Variants in GPS2 observed in about 807,000 individuals in gnomAD.
The protein encoded by GPS2 is G protein pathway suppressor 2.
GPS2 carries 22 observed loss-of-function variants against 48.1 expected under a neutral mutation model. The ratio of observed to expected loss-of-function variants is 0.46; its 90% CI spans 0.33 to 0.65. The LOEUF (loss-of-function observed/expected upper bound fraction) is 0.65. GPS2 is among the 30% of genes least tolerant of loss of function. The pLI, the probability that GPS2 is intolerant of heterozygous loss-of-function variation, is 0.03. For missense variants in GPS2, 366 were observed against 406.8 expected, an observed-to-expected ratio of 0.90 and a Z score of 0.86; for synonymous variants, 202 against 142.5, an observed-to-expected ratio of 1.42 and a Z score of -2.98.
intron 6 of GPS2, 21 bp from the exon 7 acceptor site, chr17:7,313,742 C>T: frequency 6.2e-7 from 1 of 1,612,052 alleles, no homozygotes; most frequent in Non-Finnish European, 8.5e-7. Context: ...AGAATGAGAA[C>T]TCGCCTACAA....
rs1311486142 is a variant in GPS2, at chr17:7,314,611, C to A, written c.95-14G>T. On this transcript the variant is annotated splice_polypyrimidine_tract_variant and intron_variant, in intron 2 of 10. Transcript: ENST00000380728. ...CCTCTTCTTCCTCTGGAGAATCAGGCAGAATGAAGAAGAGGCAGGGTAGTG... is the reference window on the plus strand; with the variant it reads ...CCTCTTCTTCCTCTGGAGAATCAGGAAGAATGAAGAAGAGGCAGGGTAGTG... 1.2e-6 allele frequency: 2 copies of A among 1,613,852 alleles called. No homozygotes were observed. The highest frequency in any genetic ancestry group is 1.7e-5 in the Admixed American group (1 of 60,000).
chr17:7,314,689 C>A, intron 2 of GPS2, 92 bp from the exon 3 acceptor site: 1 of 1,598,244 alleles, frequency 6.3e-7, no homozygotes, highest in Non-Finnish European at 8.5e-7. Context: ...GTCATCCCAA[C>A]ACGCCTGTAT....
Position 7,314,385 on chromosome 17 carries a change from TCTC to T in GPS2, c.220_222del (p.Glu74del), listed in dbSNP as rs757139280. 5.6e-6 allele frequency: 9 copies of T among 1,613,984 alleles called. No homozygotes were observed. The highest frequency in any genetic ancestry group is 1.1e-5 in the South Asian group (1 of 91,092). ...TTCTCTTCCTGTAGAGCCAAAAGCT[TCTC>T]CTCCAACTTCAGAATCTGGGATGGG... is the stretch of plus-strand genomic sequence containing the variant. On this transcript the variant is annotated inframe_deletion, in exon 4 of 11. Coordinates refer to ENST00000380728, the MANE Select transcript of GPS2 (RefSeq NM_004489.5).
intron 4 of GPS2, 62 bp downstream of exon 4, chr17:7,314,229 T>G: frequency 6.3e-7 from 1 of 1,592,362 alleles, no homozygotes; most frequent in Non-Finnish European, 8.6e-7. Context: ...ACACTGGTTC[T>G]TTTACTACCT....
Position 7,314,993 on chromosome 17 carries a change from C to A in GPS2, c.60G>T (p.Arg20=). The change falls in exon 2 of 11, where the codon CGG becomes CGT. Residue 20 remains arginine (R), a synonymous_variant. Transcript: ENST00000380728. ...LSNAMARALH[R]HIMMERERKR... ...TGCGCTCCCGCTCCATCATAATGTGCCGGTGCAGCGCCCTGGCCATGGCGT... is the reference window on the plus strand; with the variant it reads ...TGCGCTCCCGCTCCATCATAATGTGACGGTGCAGCGCCCTGGCCATGGCGT... 6.2e-7 allele frequency: 1 copy of A among 1,601,818 alleles called. No individual in the cohort carries two copies. The highest frequency in any genetic ancestry group is 8.5e-7 in the Non-Finnish European group (1 of 1,174,884).
In GPS2 at chr17:7,315,105, G is replaced by A; in HGVS notation, c.-53C>T. ...GGCGCCCGGCTGTCTCTGACTGCCA[G>A]ACCTCAGACGGGGCCTGCGGGGAGG... is the stretch of plus-strand genomic sequence containing the variant. On this transcript the variant is annotated 5_prime_UTR_variant, in exon 2 of 11. Transcript: ENST00000380728. 7.1e-7 allele frequency: 1 copy of A among 1,411,378 alleles called. No homozygotes were observed. Among genetic ancestry groups the A allele is most frequent in the South Asian group, 1.3e-5 (1 of 78,366 alleles). 87.4% of individuals were successfully genotyped at this position (1,411,378 alleles called of 1,614,324 possible). A position where few individuals can be genotyped will look rare whatever the true frequency, so the allele number is the denominator to read the frequency against.
At position 7,313,061 on chromosome 17, in the gene GPS2, G is replaced by C. The variant is rs1304900652; in HGVS notation, c.868C>G (p.Gln290Glu). 2 of 1,557,900 alleles carry C rather than the reference G, an allele frequency of 1.3e-6. No individual in the cohort carries two copies. Among genetic ancestry groups the C allele is most frequent in the South Asian group, 1.2e-5 (1 of 81,888 alleles). ...HPAPGLLASP[Q>E]LPVQMQPAGK... ...GCTGGCTGCATCTGCACAGGGAGCT[G>C]GGGGGAAGCAAGGAGTCCAGGGGCT... Residue 290 changes from glutamine to glutamate, a missense_variant, in exon 10 of 11, where the codon CAG becomes GAG. Physicochemically the swap from Gln to Glu is conservative, Grantham distance 29. Coordinates refer to ENST00000380728, the MANE Select transcript of GPS2 (RefSeq NM_004489.5).
chr17:7,313,525 T>C (rs754444805), intron 7 of GPS2, 43 bp downstream of exon 7: 16 of 1,613,316 alleles, frequency 9.9e-6, no homozygotes, highest in Non-Finnish European at 1.3e-5. Flanking sequence ...CATTCCTCCT[T>C]TGACCTTGAG....
Position 7,313,127 on chromosome 17 carries a change from G to A in GPS2, c.805-3C>T. Reference sequence around the variant, plus strand: ...GGGTGCATGGGGCGCAGAGAGGACTGCAGAGAACAGAGTCAGGGCCTGAGG... The same window carrying A: ...GGGTGCATGGGGCGCAGAGAGGACTACAGAGAACAGAGTCAGGGCCTGAGG... On this transcript the variant is annotated splice_polypyrimidine_tract_variant and splice_region_variant and intron_variant, in intron 9 of 10. Transcript: ENST00000380728. 6.2e-7 allele frequency: 1 copy of A among 1,605,312 alleles called. No homozygotes were observed. The highest frequency in any genetic ancestry group is 8.5e-7 in the Non-Finnish European group (1 of 1,173,504).
rs2072881614 is a variant in GPS2, at chr17:7,312,954, C to G, written c.900+75G>C. On this transcript the variant is annotated intron_variant, in intron 10 of 10. Coordinates refer to ENST00000380728, the MANE Select transcript of GPS2 (RefSeq NM_004489.5). ...GGAAAAACCAGATGATGTGGGCCAC[C>G]TGTCCTACCTAATCCTGCTTTTCCG... The G allele has an allele frequency of 2.1e-6, 3 of 1,455,272 alleles. No individual in the cohort carries two copies. In the African/African-American group the frequency reaches 4.2e-5, roughly 20 times the overall value. The allele number at this position is 1,455,272 out of a possible 1,614,324, so 90.1% of individuals were successfully genotyped here. A position where few individuals can be genotyped will look rare whatever the true frequency, so the allele number is the denominator to read the frequency against.
chr17:7,313,406 T>A lies in GPS2; in HGVS notation c.698A>T (p.His233Leu). 6.2e-7 allele frequency: 1 copy of A among 1,613,946 alleles called. No homozygotes were observed. The highest frequency in any genetic ancestry group is 8.5e-7 in the Non-Finnish European group (1 of 1,179,826). Residue 233 changes from histidine (H) to leucine (L), a missense_variant, in exon 8 of 11, where the codon CAT (histidine) becomes CTT (leucine). Transcript: ENST00000380728. ...TGTCTGAGTGGGCTGAAAGTGGCCATGCACAGCATAGGGCTGTGGCTGTGG... is the reference window on the plus strand; with the variant it reads ...TGTCTGAGTGGGCTGAAAGTGGCCAAGCACAGCATAGGGCTGTGGCTGTGG... ...SQPQPQPYAV[H>L]GHFQPTQTGF...
In GPS2 at chr17:7,314,623, G is replaced by C. The variant is rs764686791; in HGVS notation, c.95-26C>G. ...CTGGAGAATCAGGCAGAATGAAGAA[G>C]AGGCAGGGTAGTGAAAACAATTCCA... is the stretch of plus-strand genomic sequence containing the variant. On this transcript the variant is annotated intron_variant, in intron 2 of 10. Coordinates refer to ENST00000380728, the MANE Select transcript of GPS2 (RefSeq NM_004489.5). 2.5e-6 allele frequency: 4 copies of C among 1,613,680 alleles called. No homozygotes were observed. In the East Asian group the frequency reaches 6.7e-5, roughly 27 times the overall value.
chr17:7,315,327 C>T lies in GPS2; in HGVS notation c.-68+4G>A, dbSNP rs2072924839. On this transcript the variant is annotated splice_donor_region_variant and intron_variant, in intron 1 of 10. Transcript: ENST00000380728. ...CAGCCAGCGCGGACGACTGCCCTTC[C>T]TACCCGCCTTCTCTGCGCTTTCTCA... is the stretch of plus-strand genomic sequence containing the variant. 2 of 389,130 alleles carry T rather than the reference C, an allele frequency of 5.1e-6. No individual in the cohort carries two copies. Among genetic ancestry groups the T allele is most frequent in the Admixed American group, 4.5e-5 (1 of 22,432 alleles). 24.1% of individuals were successfully genotyped at this position (389,130 alleles called of 1,614,324 possible).
chr17:7,314,636 G>A (rs781149049), intron 2 of GPS2, 39 bp from the exon 3 acceptor site: 10 of 1,613,084 alleles, frequency 6.2e-6, no homozygotes, highest in South Asian at 1.1e-5. Context: ...GCAGGGTAGT[G>A]AAAACAATTC....
At chr17:7,314,793 G>C (rs1205112579) in intron 2 of GPS2, 166 bp downstream of exon 2, 1 of 1,283,084 alleles carries the variant, frequency 7.8e-7, no homozygotes, top group East Asian at 2.3e-5. Flanking sequence ...CATCTCAAGG[G>C]TTCTGGAGCG....
rs1453973016 is a variant in GPS2, at chr17:7,313,285, A to G, written c.731T>C (p.Leu244Pro). The G allele has an allele frequency of 3.7e-6, 6 of 1,613,654 alleles. No individual in the cohort carries two copies. Among genetic ancestry groups the G allele is most frequent in the Non-Finnish European group, 5.1e-6 (6 of 1,179,790 alleles). Residue 244 changes from leucine to proline, a missense_variant, in exon 9 of 11, where the codon CTC becomes CCC. By Grantham distance (98) the Leu-to-Pro change is moderately conservative. Coordinates refer to ENST00000380728, the MANE Select transcript of GPS2 (RefSeq NM_004489.5). Reference protein sequence around the residue: ...GHFQPTQTGFLQPGGALSLQK... With the variant: ...GHFQPTQTGFPQPGGALSLQK... The stretch of plus-strand genomic sequence containing the variant: ...CAAGGACAGGGCACCACCAGGCTGG[A>G]GGAAACCTAGGTGGGGAAGAGGGGC...
At chr17:7,315,270 G>C (rs145791776) in intron 1 of GPS2, 61 bp downstream of exon 1, 3,493 of 330,514 alleles carry the variant, frequency 0.011, 117 homozygotes, top group African/African-American at 0.068. Context: ...GGCGGCGCCG[G>C]GGTCCCCGGC....
intron 10 of GPS2, 47 bp from the exon 11 acceptor site, chr17:7,312,886 C>T: frequency 6.4e-7 from 1 of 1,561,660 alleles, no homozygotes; most frequent in Non-Finnish European, 8.8e-7. Context: ...GCATACTCTC[C>T]CTTCCACTTA....
chr17:7,314,788 C>G (rs2072915664), intron 2 of GPS2, 171 bp downstream of exon 2: 11 of 1,300,398 alleles, frequency 8.5e-6, no homozygotes, highest in Non-Finnish European at 1.2e-5. Flanking sequence ...CTTCCCATCT[C>G]AAGGGTTCTG....
Sources: allele counts gnomAD v4.1 joint callset, GRCh38; gene constraint gnomAD v4.1.1; transcripts MANE v1.5; gene names NCBI Gene and HGNC (gene_info 2026-07-23, HGNC 2026-07-21).